The following CENPK variants were observed in gnomAD, a reference collection of about 807,000 sequenced individuals.
CENPK encodes the protein centromere protein K.
Under a neutral mutation model 40.9 loss-of-function variants are expected in CENPK, and 46 were observed. The ratio of observed to expected loss-of-function variants is 1.13; its 90% CI spans 0.89 to 1.44. CENPK has a LOEUF of 1.44. Ranked by LOEUF, CENPK falls within the 40% of genes most tolerant of loss-of-function variation. CENPK has a pLI of 0.00. For synonymous variants in CENPK, 107 were observed against 104.4 expected, an observed-to-expected ratio of 1.02 and a Z score of -0.15; for missense variants, 288 against 303.5, an observed-to-expected ratio of 0.95 and a Z score of 0.38.
chr5:65,553,375 C>G (rs942985316), intron 3 of CENPK, among the ~76,000 whole-genome samples: 1 of 151,090 alleles, frequency 6.6e-6, no homozygotes, highest in African/African-American at 2.4e-5. Context: ...AAAAAGAAAT[C>G]GAAATCCATA....
At chr5:65,503,661 C>CT in the CENPK span, among the ~76,000 whole-genome samples, 212 of 142,862 alleles carry the variant, frequency 1.5e-3, no homozygotes, top group Non-Finnish European at 1.7e-3. Flanking sequence ...ACTTGCTAAA[C>CT]TTTTTTTTTT....
At chr5:65,503,250 G>T in the CENPK span, among the ~76,000 whole-genome samples, 1 of 151,774 alleles carries the variant, frequency 6.6e-6, no homozygotes, top group East Asian at 2.0e-4. Flanking sequence ...GGGATTACAG[G>T]CACACACCAC....
chr5:65,496,330 T>C, the CENPK span, among the ~76,000 whole-genome samples: 4 of 152,148 alleles, frequency 2.6e-5, no homozygotes, highest in African/African-American at 7.2e-5. Flanking sequence ...CATAAAGACA[T>C]TGATCACGGT....
intron 6 of CENPK, among the ~76,000 whole-genome samples, chr5:65,535,663 G>T (rs1746758916): frequency 6.6e-6 from 1 of 152,176 alleles, no homozygotes; most frequent in Non-Finnish European, 1.5e-5. Flanking sequence ...TACTGGGAAA[G>T]AACTCTTGTA....
chr5:65,501,253 A>C, the CENPK span, among the ~76,000 whole-genome samples: 3 of 129,254 alleles, frequency 2.3e-5, 1 homozygote, highest in South Asian at 7.3e-4. Flanking sequence ...AATCTCGCTC[A>C]CTGCCACATC....
chr5:65,543,410 A>G (rs1748326611), intron 5 of CENPK, among the ~76,000 whole-genome samples: 2 of 152,202 alleles, frequency 1.3e-5, no homozygotes, highest in African/African-American at 4.8e-5. Context: ...TGTGTTCCTC[A>G]AATACTTTCC....
At chr5:65,540,529 C>T (rs1747783000) in intron 6 of CENPK, among the ~76,000 whole-genome samples, 1 of 152,132 alleles carries the variant, frequency 6.6e-6, no homozygotes, top group South Asian at 2.1e-4. Flanking sequence ...CAAAACCTGA[C>T]TAGAACATTA....
Position 65,561,449 on chromosome 5 carries a change from A to T in CENPK, c.-40+14T>A, listed in dbSNP as rs1191708941. ...ATAAAAACATATAGAAACATTTAAG[A>T]GTTTGCTCTCTACCGCTTGAGGATG... On this transcript the variant is annotated intron_variant, in intron 2 of 10. Coordinates refer to ENST00000396679, the MANE Select transcript of CENPK (RefSeq NM_022145.5). The T allele has an allele frequency of 1.3e-5, 6 of 449,810 alleles. No individual in the cohort carries two copies. The highest frequency in any genetic ancestry group is 2.7e-5 in the Non-Finnish European group (6 of 224,108). 27.9% of individuals were successfully genotyped at this position (449,810 alleles called of 1,614,324 possible).
At chr5:65,548,821 G>A (rs550957365) in intron 5 of CENPK, among the ~76,000 whole-genome samples, 1 of 152,214 alleles carries the variant, frequency 6.6e-6, no homozygotes, top group African/African-American at 2.4e-5. Flanking sequence ...TCTAATTCTA[G>A]TTAGATACTT....
the CENPK span, among the ~76,000 whole-genome samples, chr5:65,508,549 C>G: frequency 6.6e-6 from 1 of 152,250 alleles, no homozygotes; most frequent in South Asian, 2.1e-4. Context: ...CTTTGAGAGG[C>G]TGAGGCGGGT....
At chr5:65,496,073 A>G in the CENPK span, among the ~76,000 whole-genome samples, 2 of 152,286 alleles carry the variant, frequency 1.3e-5, no homozygotes, top group South Asian at 2.1e-4. Flanking sequence ...TCTGGGCAAC[A>G]TGGCAAAACC....
At chr5:65,558,497 CT>C (rs1407540231) in intron 2 of CENPK, among the ~76,000 whole-genome samples, 1 of 152,132 alleles carries the variant, frequency 6.6e-6, no homozygotes, top group Non-Finnish European at 1.5e-5. Flanking sequence ...GATTGTTTCT[CT>C]TTTCTCCGTA....
intron 6 of CENPK, among the ~76,000 whole-genome samples, chr5:65,540,808 CTTTTT>C (rs36024048): frequency 2.3e-5 from 3 of 130,242 alleles, no homozygotes; most frequent in Non-Finnish European, 4.9e-5. Flanking sequence ...CAACTGTATC[CTTTTT>C]TTTTTTTTTT....
At chr5:65,512,176 A>G in the CENPK span, among the ~76,000 whole-genome samples, 1 of 152,220 alleles carries the variant, frequency 6.6e-6, no homozygotes, top group South Asian at 2.1e-4. Context: ...CCCATGGATG[A>G]GCAAAAAATG....
chr5:65,530,551 C>T (rs1465686356), intron 6 of CENPK, among the ~76,000 whole-genome samples: 1 of 152,192 alleles, frequency 6.6e-6, no homozygotes, highest in Non-Finnish European at 1.5e-5. Context: ...AAGAGAATTA[C>T]AATAAGCACT....
chr5:65,517,155 C>G (rs554491803), downstream of CENPK, among the ~76,000 whole-genome samples: 1 of 152,184 alleles, frequency 6.6e-6, no homozygotes, highest in Non-Finnish European at 1.5e-5. Flanking sequence ...GTTGGCCTGG[C>G]TGGTCTCGAA....
chr5:65,501,553 G>C, the CENPK span, among the ~76,000 whole-genome samples: 1 of 152,038 alleles, frequency 6.6e-6, no homozygotes, highest in Non-Finnish European at 1.5e-5. Context: ...CTTCGGGCAT[G>C]TATTGTACCC....
chr5:65,520,028 G>A (rs1055035295), intron 10 of CENPK, among the ~76,000 whole-genome samples: 2 of 152,112 alleles, frequency 1.3e-5, no homozygotes, highest in East Asian at 3.8e-4. Context: ...TATAGTTTAG[G>A]TGTGTCCCCT....
At chr5:65,503,230 C>G in the CENPK span, among the ~76,000 whole-genome samples, 1 of 151,528 alleles carries the variant, frequency 6.6e-6, no homozygotes, top group African/African-American at 2.4e-5. Context: ...CCTCAGCCTC[C>G]CGAGTAGCTG....
Sources: gnomAD v4.1 joint callset for allele counts (sites outside exome capture counted in the v4.1 genomes callset) on GRCh38, gnomAD v4.1.1 for gene constraint, MANE v1.5 for transcripts, NCBI Gene and HGNC (gene_info 2026-07-23, HGNC 2026-07-21) for gene names.